The following BTNL3 variants were observed in gnomAD, a reference collection of about 807,000 sequenced individuals.
BTNL3 encodes butyrophilin like 3.
A neutral mutation model predicts 40.1 loss-of-function variants in BTNL3; 20 were observed. That is an observed-to-expected ratio of 0.50 (90% CI 0.35 to 0.72). The LOEUF is 0.72. BTNL3 is among the 30% of genes least tolerant of loss of function. BTNL3 has a pLI of 0.01. For synonymous variants in BTNL3, 179 were observed against 222.1 expected, an observed-to-expected ratio of 0.81 and a Z score of 1.73; for missense variants, 449 against 582.2, an observed-to-expected ratio of 0.77 and a Z score of 2.35.
chr5:181,001,940 C>T (rs1760117045), intron 3 of BTNL3, among the ~76,000 whole-genome samples: 2 of 134,624 alleles, frequency 1.5e-5, no homozygotes, highest in South Asian at 4.4e-4. Context: ...CCCACTTTGG[C>T]CTCCCAAACT....
rs1406017799 is a variant in BTNL3 at position 180,990,019 on chromosome 5, G to A, written c.49+942G>A. ...TACTAAAAACACAAAAATTAGCCGG[G>A]CATGGTGGTGAGCGCCTGTAGTCCC... is the stretch of plus-strand genomic sequence containing the variant. On this transcript the variant is annotated intron_variant, in intron 1 of 7. Coordinates refer to ENST00000342868, the MANE Select transcript of BTNL3 (RefSeq NM_197975.3). Among the ~76,000 whole-genome samples, 2 of 135,996 alleles carry A rather than the reference G, an allele frequency of 1.5e-5. 1 individual carries two copies. Among genetic ancestry groups the A allele is most frequent in the Admixed American group, 1.6e-4 (2 of 12,882 alleles). The allele number at this position is 135,996 out of a possible 152,430, so 89.2% of individuals were successfully genotyped here.
In BTNL3 at chr5:180,998,208, A is replaced by G. The variant is rs1168322606; in HGVS notation, c.673+720A>G. ...AAATACTCGAGAAATATTAATCACG[A>G]AGAATTGAACAGATATATTAGTGTC... On this transcript the variant is annotated intron_variant, in intron 3 of 7. Transcript: ENST00000342868. 1.5e-5 allele frequency among the ~76,000 whole-genome samples: 2 copies of G among 137,510 alleles called. 1 individual carries two copies. The highest frequency in any genetic ancestry group is 3.3e-5 in the Non-Finnish European group (2 of 60,156). 90.2% of individuals were successfully genotyped at this position (137,510 alleles called of 152,430 possible).
chr5:181,000,135 C>G (rs1760086219), intron 3 of BTNL3, among the ~76,000 whole-genome samples: 1 of 136,148 alleles, frequency 7.3e-6, no homozygotes, highest in African/African-American at 2.5e-5. Flanking sequence ...ATGTAAAAAT[C>G]TTACCAAAAA....
rs997287916 is a variant in BTNL3, at chr5:181,006,150, T to C, written c.*278T>C. On this transcript the variant is annotated 3_prime_UTR_variant, in exon 8 of 8. Coordinates refer to ENST00000342868, the MANE Select transcript of BTNL3 (RefSeq NM_197975.3). ...GGAATAGACTCACATTAGGTTTAGT[T>C]TGTGAAAACTCCATCCAGCTAAGCG... 3.9e-5 allele frequency: 17 copies of C among 438,494 alleles called. No homozygotes were observed. Among genetic ancestry groups the C allele is most frequent in the African/African-American group, 1.8e-4 (9 of 49,610 alleles). The allele number at this position is 438,494 out of a possible 1,614,324, so 27.2% of individuals were successfully genotyped here.
rs1760213360 is a variant in BTNL3 at position 181,005,644 on chromosome 5, C to A, written c.1173C>A (p.Phe391Leu). Residue 391 changes from phenylalanine to leucine, a missense_variant, in exon 8 of 8, where the codon TTC becomes TTA. Transcript: ENST00000342868. ...CAACAGAACATTTGTATTTCACATT[C>A]AATCCCCATTTTATCAGCCTCCCCC... The part of the protein sequence containing the change: ...RLTTEHLYFT[F>L]NPHFISLPPS... 6.2e-7 allele frequency: 1 copy of A among 1,614,028 alleles called. No individual in the cohort carries two copies. Among genetic ancestry groups the A allele is most frequent in the Non-Finnish European group, 8.5e-7 (1 of 1,179,996 alleles).
In BTNL3 at chr5:180,997,452, C is replaced by T. The variant is rs751046686; in HGVS notation, c.637C>T (p.Gln213Ter). 3.4e-6 allele frequency: 5 copies of T among 1,463,216 alleles called. 2 individuals are homozygous for T. Among genetic ancestry groups the T allele is most frequent in the Admixed American group, 3.8e-5 (2 of 53,234 alleles). 90.6% of individuals were successfully genotyped at this position (1,463,216 alleles called of 1,614,324 possible). A position where few individuals can be genotyped will look rare whatever the true frequency, so the allele number is the denominator to read the frequency against. The change falls in exon 3 of 8, where the codon CAG (glutamine) becomes TAG (stop). Residue 213 changes from glutamine to a stop codon, truncating the protein, a stop_gained. Coordinates refer to ENST00000342868, the MANE Select transcript of BTNL3 (RefSeq NM_197975.3). LOFTEE classifies it high-confidence loss of function. ...SILCSIHLAE[Q>*]SHEVESKVLI... Reference sequence around the variant, plus strand: ...ATTGTGTTCCATCCACCTTGCTGAGCAGAGTCATGAGGTGGAATCCAAGGT... The same window carrying T: ...ATTGTGTTCCATCCACCTTGCTGAGTAGAGTCATGAGGTGGAATCCAAGGT...
intron 3 of BTNL3, among the ~76,000 whole-genome samples, 173 bp from the exon 4 acceptor site, chr5:181,002,499 T>TATATATAC: frequency 2.2e-5 from 2 of 91,928 alleles, no homozygotes; most frequent in Non-Finnish European, 4.6e-5. Flanking sequence ...TATATATATA[T>TATATATAC]ATATATGAAA....
Position 181,001,868 on chromosome 5 carries a change from A to G in BTNL3, c.674-804A>G, listed in dbSNP as rs1760116043. Among the ~76,000 whole-genome samples, 2 of 132,522 alleles carry G rather than the reference A, an allele frequency of 1.5e-5. 1 individual carries two copies. Among genetic ancestry groups the G allele is most frequent in the Admixed American group, 1.6e-4 (2 of 12,324 alleles). The allele number at this position is 132,522 out of a possible 152,430, so 86.9% of individuals were successfully genotyped here. On this transcript the variant is annotated intron_variant, in intron 3 of 7. Transcript: ENST00000342868. The stretch of plus-strand genomic sequence containing the variant: ...TCAACAAAACAAAACAAAACAAAAC[A>G]AAACAAAGAAATCTAAAGGAGAAAA...
chr5:180,993,314 G>C (rs1346779164), intron 2 of BTNL3, among the ~76,000 whole-genome samples, 154 bp downstream of exon 2: 1 of 136,482 alleles, frequency 7.3e-6, no homozygotes, highest in African/African-American at 2.5e-5. Context: ...GAGGTTTCTG[G>C]AGATGAGCCT....
In BTNL3 at chr5:181,002,471, A is replaced by AATATATATATATAT. The variant is rs56895500; in HGVS notation, c.674-180_674-167dup. Among the ~76,000 whole-genome samples, 366 of 73,776 alleles carry AATATATATATATAT rather than the reference A, an allele frequency of 5.0e-3. 9 individuals carry two copies. Among genetic ancestry groups the AATATATATATATAT allele is most frequent in the African/African-American group, 6.2e-3 (148 of 23,922 alleles). 48.4% of individuals were successfully genotyped at this position (73,776 alleles called of 152,430 possible). A position where few individuals can be genotyped will look rare whatever the true frequency, so the allele number is the denominator to read the frequency against. Reference sequence around the variant, plus strand: ...TAACGCGCACACACACACACACGTGAATATATATATATATATATATATATA... The same window carrying AATATATATATATAT: ...TAACGCGCACACACACACACACGTGAATATATATATATATATATATATATATATATATATATATA... On this transcript the variant is annotated intron_variant, in intron 3 of 7. Transcript: ENST00000342868.
At chr5:180,990,605 T>G (rs1317692153) in intron 1 of BTNL3, among the ~76,000 whole-genome samples, 1 of 137,770 alleles carries the variant, frequency 7.3e-6, no homozygotes, top group Non-Finnish European at 1.7e-5. Flanking sequence ...GCAGCAAGGC[T>G]GGCCGGAGAA....
rs1164242118 is a variant in BTNL3 at position 181,006,698 on chromosome 5, C to T, written c.*826C>T. 2.6e-5 allele frequency: 4 copies of T among 152,098 alleles called. No individual in the cohort carries two copies. The highest frequency in any genetic ancestry group is 9.7e-5 in the African/African-American group (4 of 41,398). The allele number at this position is 152,098 out of a possible 1,614,324, so 9.4% of individuals were successfully genotyped here. ...TTAAATATCAACCAGTGTAATTCAGCACATTAATAAAGTAAAAAAGAAAAC... is the reference window on the plus strand; with the variant it reads ...TTAAATATCAACCAGTGTAATTCAGTACATTAATAAAGTAAAAAAGAAAAC... On this transcript the variant is annotated 3_prime_UTR_variant, in exon 8 of 8. Coordinates refer to ENST00000342868, the MANE Select transcript of BTNL3 (RefSeq NM_197975.3).
In BTNL3 at chr5:181,005,267, C is replaced by T. The variant is rs140671514; in HGVS notation, c.863-67C>T. The T allele has an allele frequency of 1.0e-3, 1,657 of 1,593,576 alleles. 12 individuals are homozygous for T. Among genetic ancestry groups the T allele is most frequent in the African/African-American group, 7.7e-3 (577 of 74,578 alleles). ...AGCCAGTCTGCAGTGGGAGGGTCGA[C>T]CTCTTGCTCCAGCCCAGATTTCGTC... On this transcript the variant is annotated intron_variant, in intron 7 of 7. Transcript: ENST00000342868.
intron 1 of BTNL3, among the ~76,000 whole-genome samples, chr5:180,990,225 C>T (rs1759951447): frequency 7.3e-6 from 1 of 137,322 alleles, no homozygotes; most frequent in African/African-American, 2.5e-5. Flanking sequence ...CGTTTAAGTA[C>T]ATTCTCACCC....
In BTNL3 at chr5:180,993,928, G is replaced by A. The variant is rs545830556; in HGVS notation, c.397+768G>A. ...TGACTCTTGTACCTCAGCCTCCTGA[G>A]TAGCTCAGATTACAGGCATGCGCCA... On this transcript the variant is annotated intron_variant, in intron 2 of 7. Transcript: ENST00000342868. 5.8e-5 allele frequency among the ~76,000 whole-genome samples: 8 copies of A among 136,858 alleles called. No homozygotes were observed. The South Asian group carries it at 1.7e-3, about 30-fold the overall frequency. The allele number at this position is 136,858 out of a possible 152,430, so 89.8% of individuals were successfully genotyped here.
intron 3 of BTNL3, among the ~76,000 whole-genome samples, chr5:181,000,216 A>G (rs922618906): frequency 4.4e-5 from 6 of 137,266 alleles, no homozygotes; most frequent in Non-Finnish European, 1.0e-4. Context: ...ATGTTAGGTC[A>G]ACATGGGAAC....
At chr5:180,990,831 T>G (rs756687515) in intron 1 of BTNL3, among the ~76,000 whole-genome samples, 5 of 136,800 alleles carry the variant, frequency 3.7e-5, no homozygotes, top group Non-Finnish European at 6.7e-5. Context: ...GAGGGTGCGC[T>G]AATGAGCAGG....
At chr5:180,991,629 G>C (rs1217611028) in intron 1 of BTNL3, among the ~76,000 whole-genome samples, 1 of 136,820 alleles carries the variant, frequency 7.3e-6, no homozygotes, top group East Asian at 2.2e-4. Flanking sequence ...TGTCTGTGGA[G>C]CCCATTCTCC....
chr5:181,004,291 G>A (rs1206970253), intron 5 of BTNL3, 126 bp from the exon 6 acceptor site: 1 of 618,196 alleles, frequency 1.6e-6, no homozygotes, highest in Admixed American at 3.0e-5. Flanking sequence ...TTGTTTTGTG[G>A]GAACTCCAGG....
Sources: allele counts gnomAD v4.1 joint callset (sites outside exome capture counted in the v4.1 genomes callset), GRCh38; gene constraint gnomAD v4.1.1; transcripts MANE v1.5; gene names NCBI Gene and HGNC (gene_info 2026-07-23, HGNC 2026-07-21).